NUDT7: variants seen among roughly 807,000 people sequenced by gnomAD.
NUDT7 encodes the protein peroxisomal coenzyme A diphosphatase NUDT7.
NUDT7 carries 19 observed loss-of-function variants against 13.1 expected under a neutral mutation model. The observed-to-expected ratio is 1.45, with a 90% CI of 1.01 to 2.13. NUDT7 has a LOEUF of 2.13. Among genes scored for constraint, NUDT7 ranks in the 30% most tolerant of loss-of-function variants. The probability of loss-of-function intolerance (pLI) is 0.00; values close to 1 mark genes in which losing one functional copy is unlikely to be tolerated. For missense variants in NUDT7, 360 were observed against 291.7 expected (o/e 1.23, Z -1.71); for synonymous variants, 132 against 109.7 (o/e 1.20, Z -1.27).
At chr16:77,741,518 A>G in intron 3 of NUDT7, 64 bp from the exon 4 acceptor site, 2 of 1,490,184 alleles carry the variant, frequency 1.3e-6, no homozygotes, top group Non-Finnish European at 1.8e-6. Context: ...AAGTGGCATG[A>G]TTTTAGGATT....
intron 1 of NUDT7, 104 bp downstream of exon 1, chr16:77,722,721 C>T (rs1379043977): frequency 4.6e-6 from 5 of 1,077,722 alleles, no homozygotes; most frequent in Non-Finnish European, 6.9e-6. Flanking sequence ...TTGCAGCTCC[C>T]GCCAGTCCAC....
chr16:77,730,092 G>A (rs77179842), intron 2 of NUDT7, among the ~76,000 whole-genome samples: 17,942 of 151,952 alleles, frequency 0.12, 1,224 homozygotes, highest in African/African-American at 0.19. Context: ...ATGGTAACAT[G>A]TCACCACACA....
At chr16:77,739,710 G>A (rs932704305) in intron 3 of NUDT7, among the ~76,000 whole-genome samples, 3 of 152,058 alleles carry the variant, frequency 2.0e-5, no homozygotes, top group Non-Finnish European at 4.4e-5. Flanking sequence ...TGGTTCAAAC[G>A]CCTCTGACAA....
At chr16:77,736,068 A>G in intron 3 of NUDT7, 82 bp downstream of exon 3, 2 of 1,289,396 alleles carry the variant, frequency 1.6e-6, no homozygotes, top group Non-Finnish European at 2.2e-6. Context: ...CATTTTCCAA[A>G]CATAACCCCA....
intron 3 of NUDT7, among the ~76,000 whole-genome samples, chr16:77,736,928 G>A (rs1330509380): frequency 6.6e-6 from 1 of 152,136 alleles, no homozygotes; most frequent in Non-Finnish European, 1.5e-5. Flanking sequence ...CAGAATAGCT[G>A]TAGGCTGATG....
chr16:77,734,608 C>T (rs189320935), intron 2 of NUDT7, among the ~76,000 whole-genome samples: 1 of 152,098 alleles, frequency 6.6e-6, no homozygotes, highest in Admixed American at 6.5e-5. Context: ...GGACACAGAG[C>T]GGGACTCCAT....
intron 1 of NUDT7, among the ~76,000 whole-genome samples, chr16:77,724,128 G>A (rs2014052529): frequency 6.6e-6 from 1 of 152,146 alleles, no homozygotes; most frequent in African/African-American, 2.4e-5. Flanking sequence ...GGCTCTGGGG[G>A]TGACCTTTCC....
intron 1 of NUDT7, 46 bp downstream of exon 1, chr16:77,722,663 G>T: frequency 6.4e-7 from 1 of 1,557,238 alleles, no homozygotes; most frequent in Non-Finnish European, 8.7e-7. Flanking sequence ...GTCAGGCCCG[G>T]CCTTGATCGT....
intron 2 of NUDT7, among the ~76,000 whole-genome samples, chr16:77,728,507 G>C (rs149520306): frequency 6.6e-6 from 1 of 152,304 alleles, no homozygotes; most frequent in East Asian, 1.9e-4. Context: ...AAAGTGCTGA[G>C]ATGACAAGCG....
intron 2 of NUDT7, chr16:77,735,244 TTGGACC>T (rs1488978409): frequency 2.3e-5 from 9 of 399,948 alleles, no homozygotes; most frequent in Non-Finnish European, 3.1e-5. Flanking sequence ...AACCCCAATA[TTGGACC>T]TGGGGCCTGG....
chr16:77,731,245 T>TA (rs1459033028), intron 2 of NUDT7, among the ~76,000 whole-genome samples: 2 of 152,204 alleles, frequency 1.3e-5, no homozygotes, highest in African/African-American at 4.8e-5. Flanking sequence ...GGAATAGGTG[T>TA]ACAAGGCAAA....
chr16:77,731,733 T>C (rs531045273), intron 2 of NUDT7, among the ~76,000 whole-genome samples: 7 of 152,228 alleles, frequency 4.6e-5, no homozygotes, highest in South Asian at 2.1e-4. Flanking sequence ...GAGAGCTCCA[T>C]GTATGTTATT....
rs776590774 is a variant in NUDT7 at position 77,735,986 on chromosome 16, T to C, written c.348T>C (p.Asp116=). Residue 116 remains aspartate (D), a splice_region_variant and synonymous_variant, in exon 3 of 4, where the codon GAT becomes GAC. Coordinates refer to ENST00000268533, the MANE Select transcript of NUDT7 (RefSeq NM_001105663.3). ...GCTGCCTGGTGCCATGTCTTATTGA[T>C]GTAAGGGTTTCCTGAGACACTCATG... ...VVCCLVPCLI[D]TDTLITPFVG... is the part of the protein sequence containing the mutation. 3.1e-6 allele frequency: 5 copies of C among 1,613,986 alleles called. No individual in the cohort carries two copies. The highest frequency in any genetic ancestry group is 1.3e-5 in the African/African-American group (1 of 75,024).
At chr16:77,731,383 T>C (rs1028674865) in intron 2 of NUDT7, among the ~76,000 whole-genome samples, 1 of 152,290 alleles carries the variant, frequency 6.6e-6, no homozygotes, top group East Asian at 1.9e-4. Flanking sequence ...CAAAAGATGA[T>C]AATGGAGCTG....
rs139978330 is a variant in NUDT7 at position 77,729,468 on chromosome 16, T to G, written c.189+3884T>G. On this transcript the variant is annotated intron_variant, in intron 2 of 3. Transcript: ENST00000268533. ...ACATATTACCTCACATAGTAACATA[T>G]CACCATATACATCATATAGTAACAT... Among the ~76,000 whole-genome samples, 1,211 of 152,194 alleles carry G rather than the reference T, an allele frequency of 8.0e-3. 24 individuals carry two copies. Among genetic ancestry groups the G allele is most frequent in the African/African-American group, 0.027 (1,129 of 41,520 alleles).
intron 3 of NUDT7, 161 bp from the exon 4 acceptor site, chr16:77,741,421 C>T: frequency 1.5e-6 from 1 of 655,898 alleles, no homozygotes; most frequent in Non-Finnish European, 2.5e-6. Flanking sequence ...CAGGATGACT[C>T]CCATTTTAGG....
At chr16:77,739,589 A>T (rs1003073120) in intron 3 of NUDT7, among the ~76,000 whole-genome samples, 5 of 152,054 alleles carry the variant, frequency 3.3e-5, no homozygotes. Context: ...GGTCTTTATG[A>T]CTTGTATCTC....
intron 2 of NUDT7, among the ~76,000 whole-genome samples, chr16:77,734,729 T>C (rs1164187382): frequency 6.6e-6 from 1 of 152,038 alleles, no homozygotes; most frequent in Non-Finnish European, 1.5e-5. Context: ...AAAAAGGAAG[T>C]ACCAATACAC....
At chr16:77,727,985 A>G (rs2014192885) in intron 2 of NUDT7, among the ~76,000 whole-genome samples, 1 of 152,206 alleles carries the variant, frequency 6.6e-6, no homozygotes, top group African/African-American at 2.4e-5. Context: ...TGTTTCACCC[A>G]GAGCCACTTT....
Sources: gnomAD v4.1 joint callset for allele counts (sites outside exome capture counted in the v4.1 genomes callset) on GRCh38, gnomAD v4.1.1 for gene constraint, MANE v1.5 for transcripts, NCBI Gene and HGNC (gene_info 2026-07-23, HGNC 2026-07-21) for gene names.